KIAA1217: variants seen among roughly 807,000 people sequenced by gnomAD.
KIAA1217 encodes the protein sickle tail protein homolog.
A neutral mutation model predicts 163.9 loss-of-function variants in KIAA1217; 88 were observed. The ratio of observed to expected loss-of-function variants is 0.54; its 90% CI spans 0.45 to 0.64. The LOEUF (loss-of-function observed/expected upper bound fraction) is 0.64, where lower values mean the gene tolerates loss of function less well. Among genes scored for constraint, KIAA1217 ranks in the 30% least tolerant of loss-of-function variants. The pLI is 0.00. For missense variants in KIAA1217, 2,372 were observed against 2,475.0 expected, an observed-to-expected ratio of 0.96 and a Z score of 0.88; for synonymous variants, 903 against 923.1, an observed-to-expected ratio of 0.98 and a Z score of 0.39.
chr10:24,304,338 AT>A (rs1353209767), intron 2 of KIAA1217, among the ~76,000 whole-genome samples: 1 of 151,460 alleles, frequency 6.6e-6, no homozygotes, highest in East Asian at 1.9e-4. Flanking sequence ...CTTTATTTAA[AT>A]TTTTTTAACA....
intron 1 of KIAA1217, among the ~76,000 whole-genome samples, chr10:23,796,278 C>T (rs1191723361): frequency 4.6e-5 from 7 of 152,260 alleles, no homozygotes; most frequent in South Asian, 2.1e-4. Context: ...CCTCTGTAAA[C>T]GTCAGTTTCC....
In KIAA1217 at chr10:23,900,179, T is replaced by A. The variant is rs113274186; in HGVS notation, c.-320-107046T>A. ...CACCACCACTCCTGGTTAATTTTTG[T>A]ATTTTTAGTAGAGATGAGGTTTTGC... On this transcript the variant is annotated intron_variant, in intron 1 of 18. Coordinates refer to the KIAA1217 transcript ENST00000376462. Among the ~76,000 whole-genome samples the A allele has an allele frequency of 4.0e-4, 61 of 151,954 alleles. 1 individual carries two copies. The highest frequency in any genetic ancestry group is 7.6e-4 in the Non-Finnish European group (52 of 67,998).
rs1833998181 is a variant in KIAA1217 at position 23,757,794 on chromosome 10, A to T, written c.-321+62560A>T. Among the ~76,000 whole-genome samples, 4 of 152,348 alleles carry T rather than the reference A, an allele frequency of 2.6e-5. No homozygotes were observed. The South Asian group carries it at 8.3e-4, about 32-fold the overall frequency. The stretch of plus-strand genomic sequence containing the variant: ...CGGCTTCCCAAAGTGCTGGGATTAC[A>T]GGCATGAGCCACCACACCCAGCCTA... On this transcript the variant is annotated intron_variant, in intron 1 of 18. Transcript: ENST00000376462.
At chr10:24,474,755 G>T (rs571119201) in intron 6 of KIAA1217, among the ~76,000 whole-genome samples, 1 of 152,126 alleles carries the variant, frequency 6.6e-6, no homozygotes, top group African/African-American at 2.4e-5. Context: ...ACCTTCCAAA[G>T]TTCATATAGT....
rs973252323 is a variant in KIAA1217 at position 24,495,294 on chromosome 10, T to C, written c.1834+98T>C. 7.4e-6 allele frequency: 7 copies of C among 946,980 alleles called. No individual in the cohort carries two copies. In the Admixed American group the frequency reaches 1.6e-4, roughly 22 times the overall value. The allele number at this position is 946,980 out of a possible 1,614,324, so 58.7% of individuals were successfully genotyped here. A position where few individuals can be genotyped will look rare whatever the true frequency, so the allele number is the denominator to read the frequency against. On this transcript the variant is annotated intron_variant, in intron 8 of 20. Coordinates refer to ENST00000376454, the MANE Select transcript of KIAA1217 (RefSeq NM_019590.5). ...GTTTAACATTTCCCTAAGTCACGTA[T>C]TTGGTATGATGTCAGGGGATTCCTA...
rs1474518633 is a variant in KIAA1217, at chr10:24,103,783, A to G, written c.-171+96409A>G. Among the ~76,000 whole-genome samples the G allele has an allele frequency of 2.6e-5, 4 of 152,232 alleles. No individual in the cohort carries two copies. The East Asian group carries it at 7.7e-4, about 29-fold the overall frequency. ...GGAATAGCCAACACCATATTGAAGA[A>G]GAACAAAGTCAAGACATTCCCCAAC... On this transcript the variant is annotated intron_variant, in intron 2 of 18. Coordinates refer to the KIAA1217 transcript ENST00000376462.
At chr10:23,977,865 A>G (rs1398067948) in intron 1 of KIAA1217, among the ~76,000 whole-genome samples, 3 of 152,188 alleles carry the variant, frequency 2.0e-5, no homozygotes, top group African/African-American at 7.2e-5. Flanking sequence ...CTCTAATTTG[A>G]AAAGAGAGCT....
intron 3 of KIAA1217, among the ~76,000 whole-genome samples, chr10:24,400,059 C>T (rs1029079756): frequency 3.3e-5 from 5 of 152,070 alleles, no homozygotes; most frequent in Non-Finnish European, 4.4e-5. Context: ...ATCGCCCCTG[C>T]GTAAATAGCC....
At chr10:23,905,434 A>G (rs1007280607) in intron 1 of KIAA1217, among the ~76,000 whole-genome samples, 26 of 152,134 alleles carry the variant, frequency 1.7e-4, no homozygotes, top group African/African-American at 6.3e-4. Flanking sequence ...CAGATGCCCA[A>G]TGTATGGTTT....
chr10:24,091,091 T>G (rs2061921841), intron 2 of KIAA1217, among the ~76,000 whole-genome samples: 1 of 151,926 alleles, frequency 6.6e-6, no homozygotes, highest in Non-Finnish European at 1.5e-5. Context: ...TATAGAACCA[T>G]TCCACAAAAC....
intron 2 of KIAA1217, among the ~76,000 whole-genome samples, chr10:24,279,551 T>C (rs1344735954): frequency 6.6e-6 from 1 of 152,198 alleles, no homozygotes; most frequent in African/African-American, 2.4e-5. Flanking sequence ...CAGAAGAGTC[T>C]ATGAGAAAGT....
intron 1 of KIAA1217, among the ~76,000 whole-genome samples, chr10:23,781,965 G>A (rs1362064064): frequency 2.0e-5 from 3 of 152,068 alleles, no homozygotes; most frequent in Non-Finnish European, 2.9e-5. Flanking sequence ...TGTTTCAATC[G>A]CTATAGCTTT....
At chr10:23,757,091 G>A (rs146674682) in intron 1 of KIAA1217, among the ~76,000 whole-genome samples, 61 of 152,218 alleles carry the variant, frequency 4.0e-4, no homozygotes, top group Admixed American at 2.0e-3. Flanking sequence ...CATTGTATGT[G>A]TAGATCACAT....
chr10:24,254,815 G>A (rs2074965112), intron 2 of KIAA1217, among the ~76,000 whole-genome samples: 1 of 151,942 alleles, frequency 6.6e-6, no homozygotes. Flanking sequence ...ATTGGATACT[G>A]GGGAACTATA....
chr10:24,451,963 C>A (rs193062740), intron 5 of KIAA1217, among the ~76,000 whole-genome samples: 29 of 152,286 alleles, frequency 1.9e-4, no homozygotes, highest in African/African-American at 6.7e-4. Context: ...AGCCTAGGCG[C>A]CCCGAGTCCC....
chr10:24,376,487 G>T (rs140126875), intron 2 of KIAA1217, among the ~76,000 whole-genome samples: 6 of 152,278 alleles, frequency 3.9e-5, no homozygotes, highest in African/African-American at 1.2e-4. Flanking sequence ...TTTAGGCAGG[G>T]TGCAGTGGCT....
At chr10:24,273,846 C>G (rs1183337554) in intron 2 of KIAA1217, among the ~76,000 whole-genome samples, 2 of 148,628 alleles carry the variant, frequency 1.3e-5, no homozygotes, top group Non-Finnish European at 3.0e-5. Flanking sequence ...GAACAAGACT[C>G]TGTCTCAAAA....
intron 1 of KIAA1217, among the ~76,000 whole-genome samples, chr10:23,704,165 T>G (rs1836697337): frequency 1.3e-5 from 1 of 79,904 alleles, no homozygotes; most frequent in Non-Finnish European, 2.1e-5. Context: ...TGTGTGTGTG[T>G]GTGTGTGTAT....
chr10:24,383,609 A>T (rs1251781003), intron 3 of KIAA1217, among the ~76,000 whole-genome samples: 1 of 152,202 alleles, frequency 6.6e-6, no homozygotes, highest in African/African-American at 2.4e-5. Context: ...TGACCTGTTT[A>T]TTCTGCCCTC....
Sources: gnomAD v4.1 joint callset for allele counts (sites outside exome capture counted in the v4.1 genomes callset) on GRCh38, gnomAD v4.1.1 for gene constraint, MANE v1.5 for transcripts, NCBI Gene and HGNC (gene_info 2026-07-23, HGNC 2026-07-21) for gene names.